Variants in RSBN1L observed in about 807,000 individuals in gnomAD.
RSBN1L encodes round spermatid basic protein 1 like.
A neutral mutation model predicts 67.7 loss-of-function variants in RSBN1L; 30 were observed. The observed-to-expected ratio is 0.44, with a 90% CI of 0.33 to 0.60. RSBN1L has a LOEUF of 0.60. Among genes scored for constraint, RSBN1L ranks in the 20% least tolerant of loss-of-function variants. The pLI is 0.02. For synonymous variants in RSBN1L, 433 were observed against 387.0 expected (o/e 1.12, Z -1.39); for missense variants, 992 against 1,031.7 (o/e 0.96, Z 0.53).
At position 77,779,325 on chromosome 7, in the gene RSBN1L, A is replaced by G. The variant is rs1428730694; in HGVS notation, c.*157A>G. The G allele has an allele frequency of 1.7e-6, 1 of 598,228 alleles. No individual in the cohort carries two copies. The highest frequency in any genetic ancestry group is 2.9e-6 in the Non-Finnish European group (1 of 340,202). The allele number at this position is 598,228 out of a possible 1,614,324, so 37.1% of individuals were successfully genotyped here. ...CCTCAGTGCCTGTCCATAACTGTGA[A>G]GTATTAAGCACTTAGGGCCAGATGC... On this transcript the variant is annotated 3_prime_UTR_variant, in exon 8 of 8. Coordinates refer to ENST00000334955, the MANE Select transcript of RSBN1L (RefSeq NM_198467.3).
intron 1 of RSBN1L, among the ~76,000 whole-genome samples, chr7:77,721,465 T>C (rs1234205273): frequency 1.3e-5 from 2 of 152,040 alleles, no homozygotes; most frequent in African/African-American, 2.4e-5. Context: ...ATACAAAAAA[T>C]CAGAATTCAA....
chr7:77,780,613 T>C lies in RSBN1L; in HGVS notation c.*1445T>C, dbSNP rs1197251314. On this transcript the variant is annotated 3_prime_UTR_variant, in exon 8 of 8. Coordinates refer to ENST00000334955, the MANE Select transcript of RSBN1L (RefSeq NM_198467.3). ...GAGAAAAATATGGCAAATACAAAAC[T>C]GTAAAATAAGGGCAATGACAATGAC... 6.6e-6 allele frequency: 1 copy of C among 152,300 alleles called. No individual in the cohort carries two copies. The highest frequency in any genetic ancestry group is 1.9e-4 in the East Asian group (1 of 5,192). The allele number at this position is 152,300 out of a possible 1,614,324, so 9.4% of individuals were successfully genotyped here. A position where few individuals can be genotyped will look rare whatever the true frequency, so the allele number is the denominator to read the frequency against.
At chr7:77,766,442 T>C (rs529972878) in intron 4 of RSBN1L, among the ~76,000 whole-genome samples, 10 of 152,156 alleles carry the variant, frequency 6.6e-5, no homozygotes, top group South Asian at 2.1e-4. Context: ...GTCTTGGCCT[T>C]CCAAAGTGCT....
chr7:77,739,451 G>A (rs1791379246), intron 2 of RSBN1L, among the ~76,000 whole-genome samples: 1 of 151,890 alleles, frequency 6.6e-6, no homozygotes. Flanking sequence ...AGTGTCTCAC[G>A]CCTGTAATCC....
chr7:77,709,440 C>T (rs1790943909), intron 1 of RSBN1L, among the ~76,000 whole-genome samples: 1 of 152,012 alleles, frequency 6.6e-6, no homozygotes, highest in East Asian at 1.9e-4. Context: ...CAGGCACCCA[C>T]CACTACGCCT....
At position 77,751,886 on chromosome 7, in the gene RSBN1L, C is replaced by T. The variant is rs552491832; in HGVS notation, c.1344+1822C>T. Among the ~76,000 whole-genome samples, 12 of 152,288 alleles carry T rather than the reference C, an allele frequency of 7.9e-5. No homozygotes were observed. The South Asian group carries it at 2.5e-3, about 32-fold the overall frequency. On this transcript the variant is annotated intron_variant, in intron 3 of 7. Coordinates refer to ENST00000334955, the MANE Select transcript of RSBN1L (RefSeq NM_198467.3). ...TCTTGGCTCCCATTCCCGGTTATTT[C>T]CACAATACCACAAACTTTCTTGCTT...
chr7:77,728,682 A>G (rs1294474429), intron 1 of RSBN1L, among the ~76,000 whole-genome samples: 3 of 152,200 alleles, frequency 2.0e-5, no homozygotes, highest in Non-Finnish European at 2.9e-5. Context: ...TAAGGCAGAA[A>G]TTGTTTTCCT....
At chr7:77,734,381 CTT>C (rs575587621) in intron 1 of RSBN1L, among the ~76,000 whole-genome samples, 1 of 151,846 alleles carries the variant, frequency 6.6e-6, no homozygotes, top group Non-Finnish European at 1.5e-5. Context: ...TTTTAGGTGA[CTT>C]TTTTTCAGTT....
In RSBN1L at chr7:77,783,004, A is replaced by G. The variant is rs1300673671; in HGVS notation, c.*3836A>G. The G allele has an allele frequency of 6.6e-6, 1 of 152,246 alleles. No homozygotes were observed. The highest frequency in any genetic ancestry group is 6.5e-5 in the Admixed American group (1 of 15,282). The allele number at this position is 152,246 out of a possible 1,614,324, so 9.4% of individuals were successfully genotyped here. A position where few individuals can be genotyped will look rare whatever the true frequency, so the allele number is the denominator to read the frequency against. ...CCTTGTCTTCCATCATTCAATAAAT[A>G]CTAAAATTGATAACCACAGTCTTTT... On this transcript the variant is annotated 3_prime_UTR_variant, in exon 8 of 8. Transcript: ENST00000334955.
chr7:77,739,297 TG>T (rs1473531640), intron 2 of RSBN1L, among the ~76,000 whole-genome samples: 1 of 152,228 alleles, frequency 6.6e-6, no homozygotes, highest in African/African-American at 2.4e-5. Context: ...TTTTTTCTTC[TG>T]TTAATGATAA....
chr7:77,696,682 G>A lies in RSBN1L; in HGVS notation c.213G>A (p.Pro71=). ...GCGGGAACAGCAGGCAGCTGCAGCC[G>A]CCGGCAGCACCTTCGCCTCAGAGCT... is the stretch of plus-strand genomic sequence containing the variant. The part of the protein sequence containing the change: ...GSGGNSRQLQ[P]PAAPSPQSYG... The change falls in exon 1 of 8, where the codon CCG becomes CCA. Residue 71 remains proline, a synonymous_variant. Transcript: ENST00000334955. 1.2e-6 allele frequency: 2 copies of A among 1,612,256 alleles called. No individual in the cohort carries two copies. The highest frequency in any genetic ancestry group is 8.5e-7 in the Non-Finnish European group (1 of 1,179,144).
rs1442032277 is a variant in RSBN1L at position 77,779,399 on chromosome 7, C to T, written c.*231C>T. 2 of 257,122 alleles carry T rather than the reference C, an allele frequency of 7.8e-6. No individual in the cohort carries two copies. Among genetic ancestry groups the T allele is most frequent in the African/African-American group, 4.5e-5 (2 of 43,976 alleles). 15.9% of individuals were successfully genotyped at this position (257,122 alleles called of 1,614,324 possible). On this transcript the variant is annotated 3_prime_UTR_variant, in exon 8 of 8. Coordinates refer to ENST00000334955, the MANE Select transcript of RSBN1L (RefSeq NM_198467.3). Reference sequence around the variant, plus strand: ...CATAAAGGAGTCTTTAAAAAAAAATCATTTACGTTGGAATTTTAGGTTTTA... The same window carrying T: ...CATAAAGGAGTCTTTAAAAAAAAATTATTTACGTTGGAATTTTAGGTTTTA...
At chr7:77,751,462 G>A (rs1335600646) in intron 3 of RSBN1L, among the ~76,000 whole-genome samples, 3 of 152,102 alleles carry the variant, frequency 2.0e-5, no homozygotes, top group Non-Finnish European at 2.9e-5. Context: ...TTTAATGTGC[G>A]TATGTGGGAA....
intron 1 of RSBN1L, 48 bp downstream of exon 1, chr7:77,697,103 C>T (rs1301215414): frequency 5.3e-6 from 7 of 1,325,546 alleles, no homozygotes; most frequent in African/African-American, 4.6e-5. Flanking sequence ...TGGGTCCCCG[C>T]CGCCCCCTGG....
chr7:77,774,506 A>G (rs1007462477), intron 6 of RSBN1L, among the ~76,000 whole-genome samples: 1 of 152,218 alleles, frequency 6.6e-6, no homozygotes, highest in African/African-American at 2.4e-5. Flanking sequence ...AGGTGGGCAG[A>G]TCATGAGGTC....
chr7:77,767,582 C>G (rs1791787515), intron 4 of RSBN1L, among the ~76,000 whole-genome samples: 1 of 151,832 alleles, frequency 6.6e-6, no homozygotes, highest in Non-Finnish European at 1.5e-5. Context: ...TCCATGTTGC[C>G]CAGTCTGGTC....
chr7:77,727,640 T>G (rs1791224197), intron 1 of RSBN1L, among the ~76,000 whole-genome samples: 1 of 151,964 alleles, frequency 6.6e-6, no homozygotes, highest in Non-Finnish European at 1.5e-5. Context: ...TTTTTTTTTT[T>G]TCCCCTGTAG....
intron 1 of RSBN1L, among the ~76,000 whole-genome samples, chr7:77,735,397 G>A (rs1395647977): frequency 6.6e-6 from 1 of 152,068 alleles, no homozygotes; most frequent in Non-Finnish European, 1.5e-5. Context: ...ATTGGGTTAA[G>A]CAAAATATAT....
intron 3 of RSBN1L, among the ~76,000 whole-genome samples, chr7:77,758,935 T>G (rs1791660126): frequency 1.3e-5 from 2 of 152,204 alleles, no homozygotes; most frequent in East Asian, 3.8e-4. Context: ...AGTAGTTGTT[T>G]TCTAACCACC....
Sources: gnomAD v4.1 joint callset for allele counts (sites outside exome capture counted in the v4.1 genomes callset) on GRCh38, gnomAD v4.1.1 for gene constraint, MANE v1.5 for transcripts, NCBI Gene and HGNC (gene_info 2026-07-23, HGNC 2026-07-21) for gene names.